Variants in ZBTB44 observed in about 807,000 individuals in gnomAD.
The protein encoded by ZBTB44 is zinc finger and BTB domain-containing protein 44.
ZBTB44 carries 15 observed loss-of-function variants against 54.0 expected under a neutral mutation model. The observed-to-expected ratio is 0.28, with a 90% confidence interval of 0.19 to 0.43. The LOEUF is 0.43. ZBTB44 is among the 20% of genes least tolerant of loss of function. The pLI is 1.00. For missense variants in ZBTB44, 487 were observed against 707.1 expected (o/e 0.69, Z 3.53); for synonymous variants, 230 against 250.1 (o/e 0.92, Z 0.76).
chr11:130,312,423 A>T (rs1423456560), intron 1 of ZBTB44, among the ~76,000 whole-genome samples: 1 of 152,246 alleles, frequency 6.6e-6, no homozygotes, highest in Non-Finnish European at 1.5e-5. Context: ...GGAGGTACAC[A>T]GCATCACCTA....
At chr11:130,255,052 C>T (rs181470400) in intron 2 of ZBTB44, among the ~76,000 whole-genome samples, 5,744 of 126,496 alleles carry the variant, frequency 0.045, 283 homozygotes, top group African/African-American at 0.13. Context: ...GGAAGGGGAA[C>T]ATCACACACT....
At chr11:130,237,306 G>C (rs1262216567) in intron 4 of ZBTB44, among the ~76,000 whole-genome samples, 1 of 152,192 alleles carries the variant, frequency 6.6e-6, no homozygotes, top group Non-Finnish European at 1.5e-5. Context: ...AAAGGCAGTA[G>C]GGGAGGCAAA....
At chr11:130,241,250 C>T (rs1308121584) in intron 2 of ZBTB44, among the ~76,000 whole-genome samples, 1 of 152,176 alleles carries the variant, frequency 6.6e-6, no homozygotes, top group African/African-American at 2.4e-5. Flanking sequence ...TGCTAGGTCA[C>T]TGAACACATT....
intron 2 of ZBTB44, among the ~76,000 whole-genome samples, chr11:130,259,258 T>C (rs888043900): frequency 6.6e-6 from 1 of 152,168 alleles, no homozygotes; most frequent in Non-Finnish European, 1.5e-5. Flanking sequence ...TGAGATACCA[T>C]CTCACACCAG....
intron 1 of ZBTB44, among the ~76,000 whole-genome samples, chr11:130,303,576 G>A (rs2134469773): frequency 6.6e-6 from 1 of 152,122 alleles, no homozygotes; most frequent in South Asian, 2.1e-4. Context: ...TGGAGGTTGT[G>A]GTGAGCCAAG....
chr11:130,313,589 T>C (rs1264957192), intron 1 of ZBTB44, among the ~76,000 whole-genome samples: 1 of 152,198 alleles, frequency 6.6e-6, no homozygotes, highest in Non-Finnish European at 1.5e-5. Flanking sequence ...GCTTCCGGTA[T>C]CAGCCGATCT....
At chr11:130,288,545 G>A (rs545437122) in intron 1 of ZBTB44, among the ~76,000 whole-genome samples, 137 of 152,050 alleles carry the variant, frequency 9.0e-4, no homozygotes, top group African/African-American at 3.2e-3. Context: ...AAAGGTTCTC[G>A]GGATCCCCAG....
intron 1 of ZBTB44, among the ~76,000 whole-genome samples, chr11:130,303,744 T>G (rs560603499): frequency 1.5e-4 from 23 of 151,984 alleles, no homozygotes; most frequent in Non-Finnish European, 3.4e-4. Flanking sequence ...ATATCAAAAT[T>G]GTAAAAAGGC....
At chr11:130,291,598 A>G (rs1399840657) in intron 1 of ZBTB44, among the ~76,000 whole-genome samples, 1 of 152,038 alleles carries the variant, frequency 6.6e-6, no homozygotes, top group East Asian at 1.9e-4. Context: ...TCCTATCCTC[A>G]TTTTATCATT....
chr11:130,242,485 T>C (rs1038975256), intron 2 of ZBTB44, among the ~76,000 whole-genome samples: 2 of 152,212 alleles, frequency 1.3e-5, no homozygotes, highest in Non-Finnish European at 2.9e-5. Flanking sequence ...GTCCATTCTT[T>C]ATAACTTTTT....
At chr11:130,291,258 C>T (rs1431628697) in intron 1 of ZBTB44, among the ~76,000 whole-genome samples, 3 of 151,998 alleles carry the variant, frequency 2.0e-5, no homozygotes, top group Non-Finnish European at 4.4e-5. Flanking sequence ...CGTGCCTCAG[C>T]TTCCTGAGTA....
At chr11:130,276,686 C>T (rs1012486031) in intron 1 of ZBTB44, among the ~76,000 whole-genome samples, 4 of 152,138 alleles carry the variant, frequency 2.6e-5, no homozygotes, top group African/African-American at 9.7e-5. Flanking sequence ...GCCTCGGCCT[C>T]CCAGAGTGCT....
At position 130,284,366 on chromosome 11, in the gene ZBTB44, T is replaced by C. The variant is rs546393848; in HGVS notation, c.-56-22437A>G. On this transcript the variant is annotated intron_variant, in intron 1 of 7. Coordinates refer to ENST00000357899, the MANE Select transcript of ZBTB44 (RefSeq NM_001301098.2). The stretch of plus-strand genomic sequence containing the variant: ...CAAGTAACTAATAATCACAAACACT[T>C]TGGTAATGTATAATTACCACAACTG... Among the ~76,000 whole-genome samples, 9 of 152,322 alleles carry C rather than the reference T, an allele frequency of 5.9e-5. No individual in the cohort carries two copies. In the South Asian group the frequency reaches 1.7e-3, roughly 28 times the overall value.
At position 130,244,667 on chromosome 11, in the gene ZBTB44, G is replaced by GA. The variant is rs11360161; in HGVS notation, c.1019-4772dup. 5.3e-3 allele frequency among the ~76,000 whole-genome samples: 553 copies of GA among 104,784 alleles called. 1 individual carries two copies. The highest frequency in any genetic ancestry group is 0.019 in the South Asian group (61 of 3,262). The allele number at this position is 104,784 out of a possible 152,430, so 68.7% of individuals were successfully genotyped here. On this transcript the variant is annotated intron_variant, in intron 2 of 7. Coordinates refer to ENST00000357899, the MANE Select transcript of ZBTB44 (RefSeq NM_001301098.2). ...GGGCGACAGAGAGAGACTCTGTCTGGAAAAAAAAAAAAAAAAAAAGAAAGA... is the reference window on the plus strand; with the variant it reads ...GGGCGACAGAGAGAGACTCTGTCTGGAAAAAAAAAAAAAAAAAAAAGAAAGA...
At chr11:130,236,039 T>G (rs1490528287) in intron 5 of ZBTB44, 37 of 1,068,516 alleles carry the variant, frequency 3.5e-5, no homozygotes, top group Non-Finnish European at 4.3e-5. Flanking sequence ...AGAAGTACAA[T>G]TCTTATAAAC....
Position 130,230,928 on chromosome 11 carries a change from A to G in ZBTB44, c.*836T>C, listed in dbSNP as rs1194731498. The G allele has an allele frequency of 6.6e-6, 1 of 152,114 alleles. No homozygotes were observed. Among genetic ancestry groups the G allele is most frequent in the Non-Finnish European group, 1.5e-5 (1 of 67,954 alleles). The allele number at this position is 152,114 out of a possible 1,614,324, so 9.4% of individuals were successfully genotyped here. ...TTTGGTAGTTAAAAAACTGAAAATA[A>G]AAGCTTGTACAAAATGCTTGGTTTT... On this transcript the variant is annotated 3_prime_UTR_variant, in exon 8 of 8. Coordinates refer to ENST00000357899, the MANE Select transcript of ZBTB44 (RefSeq NM_001301098.2).
chr11:130,296,372 T>C (rs1941645269), intron 1 of ZBTB44: 2 of 1,530,424 alleles, frequency 1.3e-6, no homozygotes, highest in Admixed American at 2.1e-5. Context: ...AATACCACTA[T>C]GAGTTGCTGA....
chr11:130,293,714 T>C (rs537065122), intron 1 of ZBTB44, among the ~76,000 whole-genome samples: 1 of 152,042 alleles, frequency 6.6e-6, no homozygotes, highest in South Asian at 2.1e-4. Context: ...GAGAATCAGT[T>C]GAACCTGGGA....
intron 1 of ZBTB44, among the ~76,000 whole-genome samples, chr11:130,311,207 A>C (rs1251458604): frequency 6.6e-6 from 1 of 152,028 alleles, no homozygotes; most frequent in Non-Finnish European, 1.5e-5. Flanking sequence ...AAAGCAAATA[A>C]GTTTATTATT....
Sources: gnomAD v4.1 joint callset for allele counts (sites outside exome capture counted in the v4.1 genomes callset) on GRCh38, gnomAD v4.1.1 for gene constraint, MANE v1.5 for transcripts, NCBI Gene and HGNC (gene_info 2026-07-23, HGNC 2026-07-21) for gene names.